Variants in GLB1 observed in about 807,000 individuals in gnomAD.
The protein encoded by GLB1 is beta-galactosidase.
In GLB1, 56 loss-of-function variants were observed where a neutral mutation model predicts 74.0. The ratio of observed to expected loss-of-function variants is 0.76; its 90% confidence interval spans 0.61 to 0.94. GLB1 has a LOEUF of 0.94. Among genes scored for constraint, GLB1 ranks in the 40% least tolerant of loss-of-function variants. GLB1 has a pLI of 0.00. For missense variants in GLB1, 787 were observed against 845.5 expected (o/e 0.93, Z 0.86); for synonymous variants, 323 against 323.6 (o/e 1.00, Z 0.02).
At position 33,018,559 on chromosome 3, in the gene GLB1, A is replaced by C. The variant is rs1697339285; in HGVS notation, c.1236T>G (p.His412Gln). 6.2e-7 allele frequency: 1 copy of C among 1,613,992 alleles called. No homozygotes were observed. Among genetic ancestry groups the C allele is most frequent in the African/African-American group, 1.3e-5 (1 of 74,904 alleles). The part of the protein sequence containing the change: ...YPLTFIQVKQ[H>Q]YGFVLYRTTL... ...TTGTCCGGTACAGCACAAACCCATA[A>C]TGCTGGTTAGAAAAGGATTTAAGAA... Residue 412 changes from histidine (H) to glutamine (Q), a missense_variant and splice_region_variant, in exon 13 of 16, where the codon CAT becomes CAG. His to Gln is a conservative substitution (Grantham distance 24). Coordinates refer to ENST00000307363, the MANE Select transcript of GLB1 (RefSeq NM_000404.4).
Position 32,997,451 on chromosome 3 carries a change from G to GC in GLB1, c.1735-108dup. ...GCCAGCAGCAATGGAGGAAAGAAAT[G>GC]CCCCCAGAAAGGCGAGGCTGACAGC... On this transcript the variant is annotated intron_variant, in intron 15 of 15. Transcript: ENST00000307363. 5 of 1,539,780 alleles carry GC rather than the reference G, an allele frequency of 3.2e-6. No individual in the cohort carries two copies. In the African/African-American group the frequency reaches 4.1e-5, roughly 13 times the overall value.
At chr3:33,042,867 C>T (rs544389602) in intron 10 of GLB1, among the ~76,000 whole-genome samples, 3 of 152,336 alleles carry the variant, frequency 2.0e-5, no homozygotes, top group Admixed American at 2.0e-4. Flanking sequence ...GGAAAGCCTA[C>T]AGCCACCAAG....
Position 33,043,253 on chromosome 3 carries a change from G to A in GLB1, c.1068+2867C>T, listed in dbSNP as rs77956731. On this transcript the variant is annotated intron_variant, in intron 10 of 15. Coordinates refer to ENST00000307363, the MANE Select transcript of GLB1 (RefSeq NM_000404.4). ...AAAATGAATCTCTGGTGATAGAGGT[G>A]AGGACAGCTGTGAGCTCAGGAATGG... Among the ~76,000 whole-genome samples, 3,500 of 152,320 alleles carry A rather than the reference G, an allele frequency of 0.023. 556 individuals carry two copies. In the East Asian group the frequency reaches 0.42, roughly 18 times the overall value.
rs1559375038 is a variant in GLB1 at position 32,997,325 on chromosome 3, C to A, written c.1754G>T (p.Gly585Val). The A allele has an allele frequency of 1.2e-6, 2 of 1,613,356 alleles. No homozygotes were observed. Among genetic ancestry groups the A allele is most frequent in the Non-Finnish European group, 1.7e-6 (2 of 1,179,982 alleles). Residue 585 changes from glycine to valine, a missense_variant, in exon 16 of 16, where the codon GGC becomes GTC. By Grantham distance (109) the Gly-to-Val change is moderately radical. Coordinates refer to ENST00000307363, the MANE Select transcript of GLB1 (RefSeq NM_000404.4). ...TGGCCAATAGCGGCCAAGGTTAAAG[C>A]CATTAATCCAGACCTGGCCCTGGAG... is the stretch of plus-strand genomic sequence containing the variant. ...GWTKGQVWIN[G>V]FNLGRYWPAR...
chr3:32,963,105 G>C, the GLB1 span, among the ~76,000 whole-genome samples: 1 of 151,988 alleles, frequency 6.6e-6, no homozygotes, highest in Non-Finnish European at 1.5e-5. Context: ...AAACAGAATG[G>C]GAAATCTAGT....
rs7637099 is a variant in GLB1, at chr3:33,097,057, G to A, written c.29C>T (p.Pro10Leu). 945,940 of 1,612,026 alleles carry A rather than the reference G, an allele frequency of 0.59. 286,322 individuals are homozygous for A. The highest frequency in any genetic ancestry group is 0.63 in the Middle Eastern group (3,831 of 6,050). ...CAGAAGCAGCAGAACCAGCAACAGA[G>A]GGAGGATGCGAACCAGGAACCCCGG... MPGFLVRILPLLLVLLLLGP... is the reference protein window; with the variant it reads MPGFLVRILLLLLVLLLLGP... The change falls in exon 1 of 16, where the codon CCT becomes CTT. Residue 10 changes from proline to leucine, a missense_variant. Pro to Leu is a moderately conservative substitution (Grantham distance 98, BLOSUM62 -3). Coordinates refer to ENST00000307363, the MANE Select transcript of GLB1 (RefSeq NM_000404.4).
At chr3:33,022,075 T>C (rs967266019) in intron 11 of GLB1, among the ~76,000 whole-genome samples, 1 of 152,174 alleles carries the variant, frequency 6.6e-6, no homozygotes, top group African/African-American at 2.4e-5. Context: ...TATTATTATA[T>C]CACCTTAATA....
intron 1 of GLB1, chr3:33,094,002 C>T (rs371231261): frequency 1.5e-5 from 25 of 1,614,032 alleles, no homozygotes; most frequent in Non-Finnish European, 2.0e-5. Flanking sequence ...CACTGTGCTG[C>T]GCCAAATGTA....
At chr3:32,981,399 C>CAAAAAAAA in the GLB1 span, among the ~76,000 whole-genome samples, 6 of 90,406 alleles carry the variant, frequency 6.6e-5, no homozygotes, top group South Asian at 4.0e-4. Flanking sequence ...GACTCCATCT[C>CAAAAAAAA]AAAAAAAAAA....
intron 15 of GLB1, among the ~76,000 whole-genome samples, chr3:33,004,360 TG>T (rs1274799537): frequency 6.6e-6 from 1 of 152,178 alleles, no homozygotes; most frequent in Non-Finnish European, 1.5e-5. Context: ...CTCAAAATCG[TG>T]AACTAAATAA....
chr3:33,051,856 C>A (rs1468426619), intron 8 of GLB1, 27 bp downstream of exon 8: 2 of 1,614,072 alleles, frequency 1.2e-6, no homozygotes, highest in Admixed American at 1.7e-5. Context: ...ACTGAGGGCA[C>A]CCTCCCCTCA....
chr3:32,971,333 C>G, the GLB1 span, among the ~76,000 whole-genome samples: 15 of 152,322 alleles, frequency 9.8e-5, no homozygotes, highest in African/African-American at 3.6e-4. Context: ...ACTAGAAGGA[C>G]TCAAATGCAT....
intron 10 of GLB1, among the ~76,000 whole-genome samples, chr3:33,041,566 G>A (rs1420581197): frequency 6.6e-6 from 1 of 151,658 alleles, no homozygotes; most frequent in Non-Finnish European, 1.5e-5. Flanking sequence ...GGAGGCTGAG[G>A]CAGGAGAATC....
chr3:33,051,233 C>CAAAAAA (rs35399363), intron 9 of GLB1, among the ~76,000 whole-genome samples: 1 of 76,408 alleles, frequency 1.3e-5, no homozygotes, highest in Non-Finnish European at 2.4e-5. Context: ...GACTGCGTCT[C>CAAAAAA]AAAAAAAAAA....
At chr3:33,043,771 G>GAAAGATACCTCAGAAAAATACAAAGCA (rs1698603785) in intron 10 of GLB1, among the ~76,000 whole-genome samples, 3 of 82,258 alleles carry the variant, frequency 3.6e-5, no homozygotes, top group Non-Finnish European at 5.8e-5. Flanking sequence ...ACAGCATTGG[G>GAAAGATACCTCAGAAAAATACAAAGCA]AAAGATACCT....
chr3:33,000,730 A>C (rs1024044245), intron 15 of GLB1, among the ~76,000 whole-genome samples: 8 of 152,196 alleles, frequency 5.3e-5, no homozygotes, highest in African/African-American at 1.7e-4. Flanking sequence ...CAGTTAAAAA[A>C]AACAACAACA....
chr3:33,013,454 A>AC (rs1235135502), intron 15 of GLB1, among the ~76,000 whole-genome samples: 2 of 152,176 alleles, frequency 1.3e-5, no homozygotes, highest in African/African-American at 4.8e-5. Flanking sequence ...CATAGTGGCC[A>AC]CAGAATGAGA....
intron 2 of GLB1, among the ~76,000 whole-genome samples, chr3:33,070,063 G>A (rs1699836743): frequency 6.6e-6 from 1 of 151,896 alleles, no homozygotes; most frequent in South Asian, 2.1e-4. Flanking sequence ...GTGGTATTTG[G>A]TTTTCTGTCC....
At chr3:33,086,676 A>G (rs1700514136) in intron 1 of GLB1, among the ~76,000 whole-genome samples, 1 of 152,156 alleles carries the variant, frequency 6.6e-6, no homozygotes, top group Non-Finnish European at 1.5e-5. Flanking sequence ...CTTTAGCTCT[A>G]TGAGCTCACA....
Sources: allele counts gnomAD v4.1 joint callset (sites outside exome capture counted in the v4.1 genomes callset), GRCh38; gene constraint gnomAD v4.1.1; transcripts MANE v1.5; gene names NCBI Gene and HGNC (gene_info 2026-07-23, HGNC 2026-07-21).